Variants in STK32B observed in about 807,000 individuals in gnomAD.
STK32B encodes serine/threonine kinase 32B, also known as serine/threonine-protein kinase 32B.
In STK32B, 43 loss-of-function variants were observed where a neutral mutation model predicts 52.6. That is an observed-to-expected ratio of 0.82 (90% CI 0.64 to 1.05). The LOEUF (loss-of-function observed/expected upper bound fraction) is 1.05, where lower values mean the gene tolerates loss of function less well. Ranked by LOEUF, STK32B falls within the 50% of genes least tolerant of loss-of-function variation. STK32B has a pLI of 0.00. For missense variants in STK32B, 621 were observed against 534.6 expected (o/e 1.16, Z -1.59); for synonymous variants, 238 against 204.3 (o/e 1.17, Z -1.41).
At chr4:5,139,151 A>C (rs1716252028) in intron 1 of STK32B, among the ~76,000 whole-genome samples, 1 of 152,300 alleles carries the variant, frequency 6.6e-6, no homozygotes, top group East Asian at 1.9e-4. Flanking sequence ...CACTGTGCAG[A>C]GACAACATGG....
intron 6 of STK32B, among the ~76,000 whole-genome samples, chr4:5,434,432 A>ATGTGTGTG (rs544048239): frequency 2.1e-4 from 30 of 145,778 alleles, no homozygotes; most frequent in African/African-American, 6.7e-4. Context: ...GTGTGCATGT[A>ATGTGTGTG]TGTGTGTGTG....
At chr4:5,257,042 AATGAGTGAATGAATAT>A (rs1230186196) in intron 3 of STK32B, among the ~76,000 whole-genome samples, 69 of 149,164 alleles carry the variant, frequency 4.6e-4, no homozygotes, top group African/African-American at 1.7e-3. Context: ...TGAATAAGTG[AATGAGTGAATGAATAT>A]GTGAGTAAAT....
At chr4:5,274,459 A>G (rs1463815068) in intron 3 of STK32B, among the ~76,000 whole-genome samples, 1 of 152,134 alleles carries the variant, frequency 6.6e-6, no homozygotes, top group Non-Finnish European at 1.5e-5. Context: ...TCCTAGGCTG[A>G]TTAAGAATCC....
chr4:5,025,895 T>G, the STK32B span, among the ~76,000 whole-genome samples: 2 of 152,148 alleles, frequency 1.3e-5, no homozygotes, highest in African/African-American at 4.8e-5. Context: ...GTAAGTGAGG[T>G]GGGGCGGAGA....
At chr4:5,205,840 A>C (rs12511660) in intron 3 of STK32B, among the ~76,000 whole-genome samples, 1 of 152,114 alleles carries the variant, frequency 6.6e-6, no homozygotes, top group South Asian at 2.1e-4. Context: ...ATTCTCTTTC[A>C]CCGATTCTCA....
chr4:5,039,265 T>C, the STK32B span, among the ~76,000 whole-genome samples: 4 of 152,190 alleles, frequency 2.6e-5, no homozygotes, highest in Non-Finnish European at 4.4e-5. Context: ...TTCCAAAGTG[T>C]TGGGATTACA....
At chr4:5,284,594 A>T (rs1728425720) in intron 3 of STK32B, among the ~76,000 whole-genome samples, 1 of 152,224 alleles carries the variant, frequency 6.6e-6, no homozygotes, top group Non-Finnish European at 1.5e-5. Context: ...AAGTTGATAG[A>T]CATGTAAACA....
At chr4:5,484,454 C>T (rs995570828) in intron 11 of STK32B, among the ~76,000 whole-genome samples, 2 of 152,080 alleles carry the variant, frequency 1.3e-5, no homozygotes, top group African/African-American at 4.8e-5. Context: ...GATCTTCCTC[C>T]ATCCCTTTAT....
chr4:5,406,154 C>G (rs575184876), intron 5 of STK32B, among the ~76,000 whole-genome samples: 51 of 152,114 alleles, frequency 3.4e-4, no homozygotes, highest in African/African-American at 1.2e-3. Flanking sequence ...CAAAACCCAG[C>G]AGGGCAGTCA....
chr4:5,105,012 T>C (rs1714023095), intron 1 of STK32B, among the ~76,000 whole-genome samples: 1 of 152,254 alleles, frequency 6.6e-6, no homozygotes, highest in Non-Finnish European at 1.5e-5. Context: ...TGCTCAATTA[T>C]CTAAAGCAGT....
chr4:5,456,977 A>G, intron 8 of STK32B, 54 bp downstream of exon 8: 1 of 1,326,506 alleles, frequency 7.5e-7, no homozygotes, highest in South Asian at 1.5e-5. Context: ...GAGTGTAGAA[A>G]CAGCCATATC....
At chr4:5,281,297 C>T (rs954344558) in intron 3 of STK32B, among the ~76,000 whole-genome samples, 7 of 152,228 alleles carry the variant, frequency 4.6e-5, no homozygotes, top group African/African-American at 1.4e-4. Flanking sequence ...GTCACTATGG[C>T]ATAATAATAA....
chr4:5,445,402 A>G (rs1482748122), intron 6 of STK32B, among the ~76,000 whole-genome samples: 4 of 152,188 alleles, frequency 2.6e-5, no homozygotes, highest in Non-Finnish European at 2.9e-5. Context: ...CAACTGTAAA[A>G]TGGACTTATG....
At chr4:5,135,138 T>A (rs1429339045) in intron 1 of STK32B, among the ~76,000 whole-genome samples, 1 of 152,252 alleles carries the variant, frequency 6.6e-6, no homozygotes, top group Non-Finnish European at 1.5e-5. Context: ...AGACCAGTGT[T>A]GTATCACAAG....
chr4:5,247,751 T>A (rs1338609260), intron 3 of STK32B, among the ~76,000 whole-genome samples: 1 of 152,208 alleles, frequency 6.6e-6, no homozygotes, highest in East Asian at 1.9e-4. Flanking sequence ...GAAGCCTTTT[T>A]TTCTTCCACC....
chr4:5,247,661 C>T (rs533494651), intron 3 of STK32B, among the ~76,000 whole-genome samples: 19 of 152,270 alleles, frequency 1.2e-4, no homozygotes, highest in African/African-American at 2.6e-4. Context: ...TCTTCTGCGT[C>T]GCTCATGCTG....
intron 3 of STK32B, among the ~76,000 whole-genome samples, chr4:5,324,118 C>G (rs114054404): frequency 0.076 from 11,585 of 152,262 alleles, 688 homozygotes; most frequent in Non-Finnish European, 0.11. Context: ...CTTTGGGAGG[C>G]CGATGCAGGA....
At chr4:5,320,573 A>G (rs570616872) in intron 3 of STK32B, among the ~76,000 whole-genome samples, 1 of 152,292 alleles carries the variant, frequency 6.6e-6, no homozygotes, top group African/African-American at 2.4e-5. Context: ...CTCAAGTTAC[A>G]TTTCAAATAC....
intron 6 of STK32B, among the ~76,000 whole-genome samples, chr4:5,419,545 C>T (rs1003247070): frequency 2.6e-5 from 4 of 152,188 alleles, no homozygotes; most frequent in African/African-American, 9.7e-5. Context: ...TTCTCAAAGT[C>T]GTTGTCTGTG....
Sources: allele counts gnomAD v4.1 joint callset (sites outside exome capture counted in the v4.1 genomes callset), GRCh38; gene constraint gnomAD v4.1.1; transcripts MANE v1.5; gene names NCBI Gene and HGNC (gene_info 2026-07-23, HGNC 2026-07-21).